The following LRFN5 variants were observed in gnomAD, a reference collection of about 807,000 sequenced individuals.
LRFN5 encodes leucine rich repeat and fibronectin type III domain containing 5.
A neutral mutation model predicts 45.6 loss-of-function variants in LRFN5; 24 were observed. That is an observed-to-expected ratio of 0.53 (90% CI 0.38 to 0.74). The LOEUF (loss-of-function observed/expected upper bound fraction) is 0.74. Ranked by LOEUF, LRFN5 falls within the 30% of genes least tolerant of loss-of-function variation. The pLI is 0.00. For missense variants in LRFN5, 776 were observed against 861.5 expected (o/e 0.90, Z 1.24); for synonymous variants, 340 against 313.8 (o/e 1.08, Z -0.88).
chr14:41,643,285 A>G (rs1338812655), intron 1 of LRFN5, among the ~76,000 whole-genome samples: 4 of 152,186 alleles, frequency 2.6e-5, no homozygotes, highest in African/African-American at 9.6e-5. Context: ...AAAGCTGACT[A>G]AATAATATCA....
At chr14:41,726,148 T>C (rs1302556915) in intron 1 of LRFN5, among the ~76,000 whole-genome samples, 1 of 152,164 alleles carries the variant, frequency 6.6e-6, no homozygotes, top group Non-Finnish European at 1.5e-5. Flanking sequence ...GCCATAGAAC[T>C]GTTCCTATTT....
intron 1 of LRFN5, among the ~76,000 whole-genome samples, chr14:41,698,317 G>A (rs961902858): frequency 2.0e-5 from 3 of 152,000 alleles, no homozygotes; most frequent in Non-Finnish European, 4.4e-5. Context: ...TTCTCTAGGA[G>A]CCTGTTTAAA....
intron 2 of LRFN5, among the ~76,000 whole-genome samples, chr14:41,882,502 G>A (rs1890415229): frequency 6.6e-6 from 1 of 152,110 alleles, no homozygotes; most frequent in Admixed American, 6.6e-5. Context: ...GTTGCCTGAA[G>A]TATTTCTTTC....
chr14:41,866,343 C>T (rs188831601), intron 2 of LRFN5, among the ~76,000 whole-genome samples: 2 of 152,190 alleles, frequency 1.3e-5, no homozygotes, highest in Admixed American at 1.3e-4. Flanking sequence ...AAAGAATTTT[C>T]TCATCTTCTG....
At chr14:41,821,173 C>T (rs566211230) in intron 2 of LRFN5, among the ~76,000 whole-genome samples, 2 of 152,012 alleles carry the variant, frequency 1.3e-5, no homozygotes, top group African/African-American at 4.8e-5. Context: ...AAGTGGGCAT[C>T]TTTGTCTTAT....
intron 1 of LRFN5, among the ~76,000 whole-genome samples, chr14:41,702,041 G>A (rs1882860162): frequency 6.6e-6 from 1 of 152,128 alleles, no homozygotes; most frequent in African/African-American, 2.4e-5. Context: ...AGAAATAGGA[G>A]ACTTGCCCAG....
At chr14:41,889,015 G>A (rs1158701873) in intron 3 of LRFN5, among the ~76,000 whole-genome samples, 2 of 148,014 alleles carry the variant, frequency 1.4e-5, no homozygotes, top group African/African-American at 2.5e-5. Context: ...ATATATATGT[G>A]TGTGTATATA....
At chr14:41,702,815 A>T (rs1882893179) in intron 1 of LRFN5, among the ~76,000 whole-genome samples, 1 of 151,816 alleles carries the variant, frequency 6.6e-6, no homozygotes, top group South Asian at 2.1e-4. Flanking sequence ...TACTTTCTGG[A>T]GATAAGGATA....
chr14:41,805,788 G>C (rs1340991861), intron 2 of LRFN5, among the ~76,000 whole-genome samples: 1 of 152,270 alleles, frequency 6.6e-6, no homozygotes, highest in East Asian at 1.9e-4. Context: ...GAAGATGAAA[G>C]TGAAAACAAA....
intron 1 of LRFN5, among the ~76,000 whole-genome samples, chr14:41,631,610 A>T (rs2138579652): frequency 6.6e-6 from 1 of 152,286 alleles, no homozygotes; most frequent in Middle Eastern, 3.4e-3. Context: ...CAAGTGTGGA[A>T]TTTGAGAGGG....
chr14:41,847,041 A>G (rs1490169940), intron 2 of LRFN5, among the ~76,000 whole-genome samples: 2 of 152,058 alleles, frequency 1.3e-5, no homozygotes, highest in Non-Finnish European at 2.9e-5. Flanking sequence ...TGGAGGTACA[A>G]TTTTTCTGCC....
At chr14:41,752,898 G>T (rs1219937045) in intron 1 of LRFN5, among the ~76,000 whole-genome samples, 2 of 152,090 alleles carry the variant, frequency 1.3e-5, no homozygotes, top group East Asian at 1.9e-4. Flanking sequence ...TATGGTTTTA[G>T]GTTTAACATT....
At chr14:41,665,314 C>A (rs1013266860) in intron 1 of LRFN5, among the ~76,000 whole-genome samples, 24 of 151,776 alleles carry the variant, frequency 1.6e-4, no homozygotes, top group Non-Finnish European at 3.1e-4. Flanking sequence ...AAAAGAGTAA[C>A]AAATTAGAAA....
intron 1 of LRFN5, among the ~76,000 whole-genome samples, chr14:41,670,775 G>A (rs560056836): frequency 4.0e-5 from 6 of 151,892 alleles, no homozygotes; most frequent in Non-Finnish European, 7.4e-5. Context: ...ATGTCAGAAA[G>A]CAAAGTACTA....
intron 1 of LRFN5, among the ~76,000 whole-genome samples, chr14:41,729,860 T>C (rs1884094222): frequency 6.6e-6 from 1 of 151,958 alleles, no homozygotes; most frequent in African/African-American, 2.4e-5. Context: ...TTTTAAATAT[T>C]TTAAAGTATA....
At chr14:41,800,579 A>G (rs1887292905) in intron 2 of LRFN5, among the ~76,000 whole-genome samples, 1 of 151,820 alleles carries the variant, frequency 6.6e-6, no homozygotes, top group African/African-American at 2.4e-5. Flanking sequence ...AAAACTCATT[A>G]CTACTTTATT....
intron 2 of LRFN5, among the ~76,000 whole-genome samples, chr14:41,847,937 G>A (rs1038261181): frequency 6.6e-5 from 10 of 152,006 alleles, no homozygotes; most frequent in Non-Finnish European, 1.3e-4. Context: ...GAAAATAAAA[G>A]ATCAAATTTA....
chr14:41,791,066 A>AT (rs1322910145), intron 2 of LRFN5, among the ~76,000 whole-genome samples: 1 of 151,862 alleles, frequency 6.6e-6, no homozygotes, highest in Admixed American at 6.6e-5. Context: ...TTTTGTTGCT[A>AT]TGCTATTTGG....
intron 1 of LRFN5, among the ~76,000 whole-genome samples, chr14:41,714,929 AT>A (rs1883431142): frequency 6.6e-6 from 1 of 152,136 alleles, no homozygotes; most frequent in African/African-American, 2.4e-5. Flanking sequence ...CTGAAAAATC[AT>A]TACGACTTTT....
Sources: gnomAD v4.1 joint callset for allele counts (sites outside exome capture counted in the v4.1 genomes callset) on GRCh38, gnomAD v4.1.1 for gene constraint, MANE v1.5 for transcripts, NCBI Gene and HGNC (gene_info 2026-07-23, HGNC 2026-07-21) for gene names.